The following PCDHA10 variants were observed in gnomAD, a reference collection of about 807,000 sequenced individuals.
PCDHA10 encodes protocadherin alpha-10.
A neutral mutation model predicts 61.2 loss-of-function variants in PCDHA10; 45 were observed. The ratio of observed to expected loss-of-function variants is 0.74; its 90% confidence interval spans 0.58 to 0.94. The LOEUF is 0.94. Among genes scored for constraint, PCDHA10 ranks in the 40% least tolerant of loss-of-function variants. The probability of loss-of-function intolerance (pLI) is 0.00; values close to 1 mark genes in which losing one functional copy is unlikely to be tolerated. For missense variants in PCDHA10, 1,278 were observed against 1,236.2 expected (o/e 1.03, Z -0.51); for synonymous variants, 602 against 548.8 (o/e 1.10, Z -1.35).
At chr5:140,885,179 C>T (rs972760379) in intron 1 of PCDHA10, among the ~76,000 whole-genome samples, 37 of 152,232 alleles carry the variant, frequency 2.4e-4, no homozygotes, top group African/African-American at 8.9e-4. Flanking sequence ...CCTCTAGGCA[C>T]ATCAGTGTTC....
intron 1 of PCDHA10, chr5:140,861,587 G>A (rs781869263): frequency 4.3e-5 from 16 of 374,992 alleles, no homozygotes; most frequent in Middle Eastern, 1.0e-3. Context: ...TCCATGTGGA[G>A]GTGAAAGTGA....
chr5:140,986,714 CATT>C (rs1426352732), intron 3 of PCDHA10, among the ~76,000 whole-genome samples: 4 of 152,118 alleles, frequency 2.6e-5, no homozygotes, highest in Non-Finnish European at 4.4e-5. Flanking sequence ...CAGAAGATAA[CATT>C]ATAGCTTCTC....
At chr5:140,882,718 T>A (rs782288800) in intron 1 of PCDHA10, 9 of 1,614,054 alleles carry the variant, frequency 5.6e-6, no homozygotes, top group Middle Eastern at 1.6e-4. Flanking sequence ...CTCCGGAAAC[T>A]CGATTTCCAC....
intron 3 of PCDHA10, among the ~76,000 whole-genome samples, chr5:140,989,557 G>A (rs933151682): frequency 6.6e-6 from 1 of 152,166 alleles, no homozygotes; most frequent in Non-Finnish European, 1.5e-5. Context: ...TTTACGTTTT[G>A]TGGCTCCGGC....
Position 141,011,434 on chromosome 5 carries a change from C to A in PCDHA10, c.*1497C>A, listed in dbSNP as rs934032017. 6.5e-6 allele frequency: 1 copy of A among 153,726 alleles called. No homozygotes were observed. Among genetic ancestry groups the A allele is most frequent in the African/African-American group, 2.4e-5 (1 of 41,446 alleles). The allele number at this position is 153,726 out of a possible 1,614,324, so 9.5% of individuals were successfully genotyped here. The stretch of plus-strand genomic sequence containing the variant: ...ATGTGAATGTTAATGCAACTATTAC[C>A]TAGAGTGAACTTTAAGCTTTATTGT... On this transcript the variant is annotated 3_prime_UTR_variant, in exon 4 of 4. Transcript: ENST00000307360.
chr5:140,990,694 C>T (rs549554926), intron 3 of PCDHA10, among the ~76,000 whole-genome samples: 10 of 152,108 alleles, frequency 6.6e-5, no homozygotes, highest in Non-Finnish European at 1.5e-4. Context: ...TCGGAGAGTC[C>T]AGATTTATGG....
intron 1 of PCDHA10, among the ~76,000 whole-genome samples, chr5:140,949,990 C>T (rs2094438709): frequency 6.6e-6 from 1 of 151,832 alleles, no homozygotes; most frequent in Non-Finnish European, 1.5e-5. Context: ...TAACTTTTCT[C>T]AGTCCACTTA....
intron 1 of PCDHA10, chr5:140,870,888 A>G: frequency 1.9e-6 from 3 of 1,613,936 alleles, no homozygotes; most frequent in Non-Finnish European, 2.5e-6. Context: ...AGGTGCGCGC[A>G]GTGGATGCGG....
At chr5:140,911,952 G>A (rs2075698662) in intron 1 of PCDHA10, among the ~76,000 whole-genome samples, 1 of 152,170 alleles carries the variant, frequency 6.6e-6, no homozygotes, top group South Asian at 2.1e-4. Context: ...ATAAAGGGGA[G>A]GTTACTAAGG....
intron 3 of PCDHA10, among the ~76,000 whole-genome samples, chr5:140,986,896 A>G (rs1221599593): frequency 2.6e-5 from 4 of 152,184 alleles, no homozygotes; most frequent in African/African-American, 4.8e-5. Context: ...CTTAGGCCCT[A>G]TCCTAGACTA....
rs577527606 is a variant in PCDHA10 at position 140,882,595 on chromosome 5, C to A, written c.2388+24159C>A. 3.7e-6 allele frequency: 6 copies of A among 1,614,204 alleles called. No individual in the cohort carries two copies. The African/African-American group carries it at 8.0e-5, about 22-fold the overall frequency. On this transcript the variant is annotated intron_variant, in intron 1 of 3. Coordinates refer to ENST00000307360, the MANE Select transcript of PCDHA10 (RefSeq NM_018901.4). ...AGTGCAGCATCCACCTGGAGGTGAT[C>A]GTGGACAGGCCTCTGCAGGTTTTCC...
intron 1 of PCDHA10, chr5:140,966,328 CG>C: frequency 2.5e-6 from 1 of 392,484 alleles, no homozygotes; most frequent in Non-Finnish European, 4.5e-6. Flanking sequence ...CGCTGGGATC[CG>C]GCAGGTCCAG....
At chr5:140,863,363 TG>T (rs1554158141) in intron 1 of PCDHA10, 2 of 1,206,158 alleles carry the variant, frequency 1.7e-6, no homozygotes, top group Non-Finnish European at 1.2e-6. Context: ...CTGCGGTGCT[TG>T]GCGCAGCTCA....
chr5:140,991,707 A>G (rs1436655429), intron 3 of PCDHA10, among the ~76,000 whole-genome samples: 1 of 152,158 alleles, frequency 6.6e-6, no homozygotes, highest in Non-Finnish European at 1.5e-5. Flanking sequence ...TAATATGCAT[A>G]TTGCTACTAG....
chr5:140,965,539 T>C (rs1554227755), intron 1 of PCDHA10, among the ~76,000 whole-genome samples: 1 of 152,034 alleles, frequency 6.6e-6, no homozygotes, highest in East Asian at 1.9e-4. Context: ...GGAATCCAAA[T>C]TCCAGCCTGG....
At position 140,928,347 on chromosome 5, in the gene PCDHA10, G is replaced by A. The variant is rs139222568; in HGVS notation, c.2389-50602G>A. 5 of 1,614,148 alleles carry A rather than the reference G, an allele frequency of 3.1e-6. No homozygotes were observed. The African/African-American group carries it at 5.3e-5, about 17-fold the overall frequency. On this transcript the variant is annotated intron_variant, in intron 1 of 3. Coordinates refer to ENST00000307360, the MANE Select transcript of PCDHA10 (RefSeq NM_018901.4). ...ATGGCCTTGTCTCTTATGAGCTGTT[G>A]GATGTTATCTCTGAAGGGCCATCAG...
intron 1 of PCDHA10, among the ~76,000 whole-genome samples, chr5:140,903,731 T>C (rs1554191096): frequency 6.6e-6 from 1 of 152,238 alleles, no homozygotes; most frequent in South Asian, 2.1e-4. Context: ...CTATTATCAA[T>C]TATTACAGAA....
intron 1 of PCDHA10, chr5:140,878,115 A>T: frequency 4.3e-6 from 1 of 232,352 alleles, no homozygotes; most frequent in Non-Finnish European, 8.1e-6. Flanking sequence ...AAAAAACAGT[A>T]TATTAGATTA....
chr5:140,913,756 A>G (rs1184722554), intron 1 of PCDHA10, among the ~76,000 whole-genome samples: 1 of 152,072 alleles, frequency 6.6e-6, no homozygotes, highest in African/African-American at 2.4e-5. Context: ...GTTGTATCTC[A>G]TAGGTTTTGG....
Sources: allele counts gnomAD v4.1 joint callset (sites outside exome capture counted in the v4.1 genomes callset), GRCh38; gene constraint gnomAD v4.1.1; transcripts MANE v1.5; gene names NCBI Gene and HGNC (gene_info 2026-07-23, HGNC 2026-07-21).